Variants in CDC42EP4 observed in about 807,000 individuals in gnomAD.
CDC42EP4 encodes the protein CDC42 effector protein (Rho GTPase binding) 4.
In CDC42EP4, 6 loss-of-function variants were observed where a neutral mutation model predicts 5.6. The ratio of observed to expected loss-of-function variants is 1.07; its 90% CI spans 0.59 to 2.12. The LOEUF (loss-of-function observed/expected upper bound fraction) is 2.12, where lower values mean the gene tolerates loss of function less well. Ranked by LOEUF, CDC42EP4 falls within the 30% of genes most tolerant of loss-of-function variation. The pLI is 0.00. For missense variants in CDC42EP4, 490 were observed against 508.6 expected, an observed-to-expected ratio of 0.96 and a Z score of 0.35; for synonymous variants, 230 against 224.2, an observed-to-expected ratio of 1.03 and a Z score of -0.23.
chr17:73,291,347 G>A (rs2062160630), intron 1 of CDC42EP4, among the ~76,000 whole-genome samples: 1 of 152,176 alleles, frequency 6.6e-6, no homozygotes, highest in African/African-American at 2.4e-5. Context: ...CTGGGGATGA[G>A]GCCTGGGTGT....
chr17:73,302,897 A>G (rs927769910), intron 1 of CDC42EP4, among the ~76,000 whole-genome samples: 5 of 149,690 alleles, frequency 3.3e-5, no homozygotes, highest in African/African-American at 1.2e-4. Flanking sequence ...AAAAAAAATT[A>G]GCTGGGCATG....
intron 1 of CDC42EP4, chr17:73,306,733 G>A (rs1225781478): frequency 6.6e-6 from 1 of 152,340 alleles, no homozygotes; most frequent in South Asian, 2.1e-4. Flanking sequence ...TTCAGGGTTG[G>A]AGGCAACAGT....
At chr17:73,295,386 CCTT>C (rs2062179492) in intron 1 of CDC42EP4, among the ~76,000 whole-genome samples, 1 of 152,178 alleles carries the variant, frequency 6.6e-6, no homozygotes. Flanking sequence ...ACTAGGACAA[CCTT>C]CTGATGTTTG....
chr17:73,300,775 G>A (rs111610000), intron 1 of CDC42EP4, among the ~76,000 whole-genome samples: 5,561 of 152,110 alleles, frequency 0.037, 239 homozygotes, highest in African/African-American at 0.094. Context: ...GGCAGGGCGC[G>A]GTGGCTCACC....
rs1241704113 is a variant in CDC42EP4 at position 73,286,851 on chromosome 17, A to T, written c.-112-239T>A. ...AGTAGCCTCGGACACACTTTCCCTG[A>T]AACTTGAGAGAGACAGAACCTTTCT... is the stretch of plus-strand genomic sequence containing the variant. On this transcript the variant is annotated intron_variant, in intron 1 of 1. Transcript: ENST00000335793. The surrounding 1 kb of genome is among the most constrained non-coding windows in gnomAD (Gnocchi z 7.7). The T allele has an allele frequency of 1.7e-5, 4 of 230,438 alleles. No homozygotes were observed. The highest frequency in any genetic ancestry group is 4.5e-5 in the African/African-American group (2 of 44,750). 14.3% of individuals were successfully genotyped at this position (230,438 alleles called of 1,614,324 possible).
At chr17:73,299,622 C>T (rs77021049) in intron 1 of CDC42EP4, among the ~76,000 whole-genome samples, 7,152 of 152,104 alleles carry the variant, frequency 0.047, 232 homozygotes, top group East Asian at 0.071. Flanking sequence ...CTCACAACTT[C>T]TAAGTGGTTA....
Position 73,302,101 on chromosome 17 carries a change from T to C in CDC42EP4, c.-113+9792A>G, listed in dbSNP as rs531389075. 3.9e-5 allele frequency among the ~76,000 whole-genome samples: 6 copies of C among 152,362 alleles called. No individual in the cohort carries two copies. In the East Asian group the frequency reaches 1.2e-3, roughly 29 times the overall value. On this transcript the variant is annotated intron_variant, in intron 1 of 1. Transcript: ENST00000335793. ...CACCAGCCTTGGCCTCCCAAAGTGC[T>C]AGGATTACAGGTGTGAGCTACTGCA...
rs140370263 is a variant in CDC42EP4 at position 73,287,152 on chromosome 17, A to AC, written c.-112-541dup. Among the ~76,000 whole-genome samples, 124 of 152,294 alleles carry AC rather than the reference A, an allele frequency of 8.1e-4. 1 individual carries two copies. Among genetic ancestry groups the AC allele is most frequent in the Middle Eastern group, 3.4e-3 (1 of 294 alleles). On this transcript the variant is annotated intron_variant, in intron 1 of 1. Transcript: ENST00000335793. Reference sequence around the variant, plus strand: ...GAAAGGACAGGACGGGCTCAGGGAGACAGAGGCTGACCAGCTCCTCCCCCT... The same window carrying AC: ...GAAAGGACAGGACGGGCTCAGGGAGACCAGAGGCTGACCAGCTCCTCCCCCT...
chr17:73,299,763 C>T (rs1010339224), intron 1 of CDC42EP4, among the ~76,000 whole-genome samples: 1 of 152,004 alleles, frequency 6.6e-6, no homozygotes, highest in African/African-American at 2.4e-5. Flanking sequence ...GTCTGGGAGC[C>T]GGTTAACCTA....
chr17:73,289,848 A>C (rs539791637), intron 1 of CDC42EP4, among the ~76,000 whole-genome samples: 3 of 152,028 alleles, frequency 2.0e-5, no homozygotes, highest in Admixed American at 2.0e-4. Context: ...AAAGGAAAGG[A>C]AGAGAAGAAA....
chr17:73,290,664 A>G (rs1318748205), intron 1 of CDC42EP4, among the ~76,000 whole-genome samples: 4 of 152,218 alleles, frequency 2.6e-5, no homozygotes, highest in African/African-American at 9.6e-5. Context: ...AGGTGAAGAT[A>G]GAGCAGGTAT....
intron 1 of CDC42EP4, among the ~76,000 whole-genome samples, chr17:73,301,467 C>A (rs934683274): frequency 6.6e-6 from 1 of 152,178 alleles, no homozygotes; most frequent in Non-Finnish European, 1.5e-5. Flanking sequence ...TTTTTACATC[C>A]AATCAGGGAT....
intron 1 of CDC42EP4, among the ~76,000 whole-genome samples, chr17:73,297,344 C>T (rs1181769946): frequency 4.6e-5 from 6 of 131,598 alleles, no homozygotes; most frequent in South Asian, 5.1e-4. Context: ...TGTTGTGGCG[C>T]GTGCCTGTAA....
intron 1 of CDC42EP4, among the ~76,000 whole-genome samples, chr17:73,292,589 G>A (rs552135693): frequency 6.6e-6 from 1 of 152,282 alleles, no homozygotes; most frequent in African/African-American, 2.4e-5. Flanking sequence ...GAAAGGGGTG[G>A]TATGAGTGGG....
chr17:73,309,636 A>G (rs978214714), intron 1 of CDC42EP4: 1 of 152,712 alleles, frequency 6.5e-6, no homozygotes, highest in African/African-American at 2.4e-5. Context: ...ACCCCAGAAA[A>G]TGGAGAATCA....
intron 1 of CDC42EP4, among the ~76,000 whole-genome samples, chr17:73,297,482 T>A (rs1483701778): frequency 5.9e-5 from 9 of 151,690 alleles, no homozygotes; most frequent in Admixed American, 2.0e-4. Context: ...TCAAAAAAAA[T>A]AAATAAAAAT....
intron 1 of CDC42EP4, among the ~76,000 whole-genome samples, chr17:73,303,490 T>G (rs1241172501): frequency 2.0e-5 from 3 of 151,860 alleles, no homozygotes; most frequent in Non-Finnish European, 2.9e-5. Context: ...GGTGAGACCC[T>G]GTCTCTACTA....
intron 1 of CDC42EP4, among the ~76,000 whole-genome samples, chr17:73,302,905 A>G (rs987770571): frequency 4.3e-4 from 64 of 148,884 alleles, no homozygotes; most frequent in African/African-American, 1.5e-3. Context: ...TTAGCTGGGC[A>G]TGGTGGCGGG....
intron 1 of CDC42EP4, among the ~76,000 whole-genome samples, chr17:73,289,825 AAAGGAAAG>A (rs1459406599): frequency 6.6e-6 from 1 of 151,452 alleles, no homozygotes; most frequent in African/African-American, 2.4e-5. Flanking sequence ...AAAGAAAAAG[AAAGGAAAG>A]AAGGAAAGGA....
Sources: gnomAD v4.1 joint callset for allele counts (sites outside exome capture counted in the v4.1 genomes callset) on GRCh38, gnomAD v4.1.1 for gene constraint, Gnocchi (gnomAD v3.1) non-coding constraint, MANE v1.5 for transcripts, NCBI Gene and HGNC (gene_info 2026-07-23, HGNC 2026-07-21) for gene names.